SLC24A2: variants seen among roughly 807,000 people sequenced by gnomAD.
SLC24A2 encodes solute carrier family 24 member 2.
SLC24A2 carries 36 observed loss-of-function variants against 62.0 expected under a neutral mutation model. The ratio of observed to expected loss-of-function variants is 0.58; its 90% CI spans 0.44 to 0.77. The LOEUF is 0.77. Among genes scored for constraint, SLC24A2 ranks in the 30% least tolerant of loss-of-function variants. The probability of loss-of-function intolerance (pLI) is 0.00; values close to 1 mark genes in which losing one functional copy is unlikely to be tolerated. For synonymous variants in SLC24A2, 358 were observed against 294.0 expected, an observed-to-expected ratio of 1.22 and a Z score of -2.23; for missense variants, 846 against 817.9, an observed-to-expected ratio of 1.03 and a Z score of -0.42.
the SLC24A2 span, among the ~76,000 whole-genome samples, chr9:20,049,534 C>G: frequency 6.6e-6 from 1 of 150,584 alleles, no homozygotes; most frequent in African/African-American, 2.4e-5. Flanking sequence ...GACACACTCA[C>G]ACACAACTAA....
the SLC24A2 span, among the ~76,000 whole-genome samples, chr9:19,951,543 G>A: frequency 4.0e-5 from 5 of 123,958 alleles, no homozygotes; most frequent in South Asian, 2.6e-4. Flanking sequence ...TGTAATGTTT[G>A]AGGTAAGGTC....
chr9:20,045,474 C>T, the SLC24A2 span, among the ~76,000 whole-genome samples: 5 of 152,062 alleles, frequency 3.3e-5, no homozygotes, highest in South Asian at 4.2e-4. Context: ...CACTGTCGCC[C>T]GGGCTGGAGT....
At chr9:19,576,487 A>G (rs1836015656) in intron 6 of SLC24A2, among the ~76,000 whole-genome samples, 1 of 152,200 alleles carries the variant, frequency 6.6e-6, no homozygotes, top group African/African-American at 2.4e-5. Context: ...GCCATAAGCA[A>G]TATCACAGGT....
At chr9:20,005,191 T>C in the SLC24A2 span, among the ~76,000 whole-genome samples, 1 of 152,174 alleles carries the variant, frequency 6.6e-6, no homozygotes, top group Non-Finnish European at 1.5e-5. Context: ...ATAATTACCA[T>C]TCACTTTATC....
chr9:19,845,486 T>C, the SLC24A2 span, among the ~76,000 whole-genome samples: 2 of 152,210 alleles, frequency 1.3e-5, no homozygotes, highest in African/African-American at 2.4e-5. Context: ...TTTCTTGTTT[T>C]CCTATTTGTA....
At chr9:19,905,968 C>A in the SLC24A2 span, among the ~76,000 whole-genome samples, 1 of 152,212 alleles carries the variant, frequency 6.6e-6, no homozygotes, top group Non-Finnish European at 1.5e-5. Flanking sequence ...AGCTCTGCAC[C>A]AAGCAGACCT....
chr9:20,158,916 G>A, the SLC24A2 span, among the ~76,000 whole-genome samples: 1 of 151,640 alleles, frequency 6.6e-6, no homozygotes, highest in Non-Finnish European at 1.5e-5. Flanking sequence ...TTCTGATCAA[G>A]TCCTAGACTA....
At chr9:19,672,408 T>C (rs1192418537) in intron 2 of SLC24A2, among the ~76,000 whole-genome samples, 7 of 146,836 alleles carry the variant, frequency 4.8e-5, no homozygotes, top group East Asian at 1.9e-4. Context: ...TTGTTTCTAA[T>C]TGAGCTTATT....
At chr9:19,727,588 G>C (rs1821208800) in intron 2 of SLC24A2, among the ~76,000 whole-genome samples, 1 of 152,144 alleles carries the variant, frequency 6.6e-6, no homozygotes, top group African/African-American at 2.4e-5. Context: ...GCATGTGGCA[G>C]ACACTCGTAC....
At chr9:19,888,254 G>A in the SLC24A2 span, among the ~76,000 whole-genome samples, 10 of 152,140 alleles carry the variant, frequency 6.6e-5, no homozygotes, top group African/African-American at 2.2e-4. Context: ...ATAGAATGAT[G>A]TTTCTTTTAA....
chr9:20,074,572 A>C, the SLC24A2 span, among the ~76,000 whole-genome samples: 1 of 74,288 alleles, frequency 1.3e-5, no homozygotes. Flanking sequence ...GAAGGAAGGA[A>C]GGAAGGAAGG....
intron 7 of SLC24A2, among the ~76,000 whole-genome samples, chr9:19,561,714 G>A (rs1228665238): frequency 2.0e-5 from 3 of 152,142 alleles, no homozygotes; most frequent in Admixed American, 2.0e-4. Flanking sequence ...ACAGGCGTGA[G>A]CCACTGCTCC....
At position 19,509,657 on chromosome 9, in the gene SLC24A2, T is replaced by G. The variant is rs1832642515; in HGVS notation, c.*6496A>C. 6.6e-6 allele frequency: 1 copy of G among 152,234 alleles called. No individual in the cohort carries two copies. The highest frequency in any genetic ancestry group is 2.4e-5 in the African/African-American group (1 of 41,470). 9.4% of individuals were successfully genotyped at this position (152,234 alleles called of 1,614,324 possible). A position where few individuals can be genotyped will look rare whatever the true frequency, so the allele number is the denominator to read the frequency against. On this transcript the variant is annotated 3_prime_UTR_variant, in exon 11 of 11. Transcript: ENST00000341998. ...GGCAAGAAGTTATCTACCCTTAATT[T>G]ATGCATGTAATTTCATCCTTAAAAT...
At chr9:20,108,619 A>G in the SLC24A2 span, among the ~76,000 whole-genome samples, 23 of 149,924 alleles carry the variant, frequency 1.5e-4, 1 homozygote, top group South Asian at 1.3e-3. Flanking sequence ...AACACTGCAT[A>G]TTCTCACTCA....
chr9:19,646,205 C>G (rs565635577), intron 2 of SLC24A2, among the ~76,000 whole-genome samples: 2 of 152,320 alleles, frequency 1.3e-5, no homozygotes, highest in East Asian at 3.9e-4. Flanking sequence ...GTTCTGGTGC[C>G]TATAAATCTT....
At chr9:19,526,960 T>C (rs998206956) in intron 9 of SLC24A2, among the ~76,000 whole-genome samples, 5 of 152,170 alleles carry the variant, frequency 3.3e-5, no homozygotes, top group Non-Finnish European at 5.9e-5. Context: ...CTCTAGAAGT[T>C]TGACAGCTTT....
the SLC24A2 span, among the ~76,000 whole-genome samples, chr9:19,852,277 C>G: frequency 2.6e-5 from 4 of 151,476 alleles, no homozygotes; most frequent in Non-Finnish European, 5.9e-5. Context: ...TCTGTAGGTT[C>G]ACTCTGATGA....
At chr9:19,998,625 T>C in the SLC24A2 span, among the ~76,000 whole-genome samples, 1 of 152,196 alleles carries the variant, frequency 6.6e-6, no homozygotes, top group Non-Finnish European at 1.5e-5. Flanking sequence ...CTCTTCTCCA[T>C]CCCTTTGTGT....
chr9:19,891,327 A>G, the SLC24A2 span, among the ~76,000 whole-genome samples: 2 of 152,242 alleles, frequency 1.3e-5, no homozygotes, highest in Non-Finnish European at 2.9e-5. Flanking sequence ...AATGAGAATT[A>G]AATCTAGAAT....
Sources: gnomAD v4.1 joint callset for allele counts (sites outside exome capture counted in the v4.1 genomes callset) on GRCh38, gnomAD v4.1.1 for gene constraint, MANE v1.5 for transcripts, NCBI Gene and HGNC (gene_info 2026-07-23, HGNC 2026-07-21) for gene names.